Variants in SLC1A2 observed in about 807,000 individuals in gnomAD.
The protein encoded by SLC1A2 is excitatory amino acid transporter 2.
A neutral mutation model predicts 48.8 loss-of-function variants in SLC1A2; 15 were observed. The observed-to-expected ratio is 0.31, with a 90% confidence interval of 0.21 to 0.47. The LOEUF (loss-of-function observed/expected upper bound fraction) is 0.47. Ranked by LOEUF, SLC1A2 falls within the 20% of genes least tolerant of loss-of-function variation. The probability of loss-of-function intolerance (pLI) is 0.99; values close to 1 mark genes in which losing one functional copy is unlikely to be tolerated. For missense variants in SLC1A2, 502 were observed against 730.5 expected (o/e 0.69, Z 3.61); for synonymous variants, 279 against 272.6 (o/e 1.02, Z -0.23).
At chr11:35,284,114 T>TATATA (rs1554993927) in intron 8 of SLC1A2, among the ~76,000 whole-genome samples, 4 of 139,658 alleles carry the variant, frequency 2.9e-5, no homozygotes, top group Admixed American at 7.3e-5. Flanking sequence ...TATATATAAA[T>TATATA]TATTATTTTG....
intron 1 of SLC1A2, chr11:35,322,710 G>T: frequency 8.3e-7 from 1 of 1,203,030 alleles, no homozygotes; most frequent in Non-Finnish European, 1.2e-6. Flanking sequence ...AGTGCTCACT[G>T]CAGGTCCTCT....
chr11:35,348,422 C>T lies in SLC1A2; in HGVS notation c.18-30906G>A, dbSNP rs145788681. On this transcript the variant is annotated intron_variant, in intron 1 of 10. Transcript: ENST00000278379. ...GTTTCTCAACCCTCAATAGGGTGCT[C>T]GCATGTAGCAGATACTCAATAAATG... Among the ~76,000 whole-genome samples, 84 of 119,862 alleles carry T rather than the reference C, an allele frequency of 7.0e-4. 1 individual carries two copies. Among genetic ancestry groups the T allele is most frequent in the African/African-American group, 2.1e-3 (75 of 35,526 alleles). The allele number at this position is 119,862 out of a possible 152,430, so 78.6% of individuals were successfully genotyped here.
At chr11:35,271,594 G>A (rs1008922500) in intron 9 of SLC1A2, among the ~76,000 whole-genome samples, 8 of 152,118 alleles carry the variant, frequency 5.3e-5, no homozygotes, top group Non-Finnish European at 1.0e-4. Flanking sequence ...AGGGTAAGAC[G>A]TTTCTCTGGG....
chr11:35,294,624 A>G (rs1851113930), intron 6 of SLC1A2, among the ~76,000 whole-genome samples: 1 of 152,200 alleles, frequency 6.6e-6, no homozygotes, highest in Non-Finnish European at 1.5e-5. Context: ...GTCCAGAAAA[A>G]TACAAATATA....
intron 1 of SLC1A2, among the ~76,000 whole-genome samples, chr11:35,389,404 T>C (rs1005045527): frequency 6.6e-6 from 1 of 151,970 alleles, no homozygotes. Context: ...TTTGGTCTTT[T>C]TTTTGTTTTG....
chr11:35,340,609 T>TA, intron 1 of SLC1A2, among the ~76,000 whole-genome samples: 1 of 152,326 alleles, frequency 6.6e-6, no homozygotes, highest in East Asian at 1.9e-4. Flanking sequence ...TCCTTGTCCA[T>TA]ACAAAGGAAA....
intron 9 of SLC1A2, among the ~76,000 whole-genome samples, chr11:35,271,230 G>T (rs936604052): frequency 7.2e-5 from 11 of 152,306 alleles, no homozygotes; most frequent in Admixed American, 5.9e-4. Flanking sequence ...ACACGTTGAG[G>T]GTGAAGCATG....
chr11:35,304,578 C>T (rs1851448121), intron 5 of SLC1A2, among the ~76,000 whole-genome samples: 1 of 152,044 alleles, frequency 6.6e-6, no homozygotes, highest in Admixed American at 6.6e-5. Context: ...CTTCCATTGC[C>T]CAGCAACCTA....
intron 1 of SLC1A2, among the ~76,000 whole-genome samples, chr11:35,331,931 G>A (rs1366461885): frequency 6.6e-6 from 1 of 152,140 alleles, no homozygotes; most frequent in African/African-American, 2.4e-5. Flanking sequence ...TCCATGTTAG[G>A]TGTTTAATAA....
At chr11:35,295,806 A>T (rs3794091) in intron 6 of SLC1A2, among the ~76,000 whole-genome samples, 1 of 151,930 alleles carries the variant, frequency 6.6e-6, no homozygotes, top group Non-Finnish European at 1.5e-5. Flanking sequence ...GATGCCCCTC[A>T]CAGGGCTCCA....
rs369273318 is a variant in SLC1A2, at chr11:35,365,319, T to C, written c.18-47803A>G. On this transcript the variant is annotated intron_variant, in intron 1 of 10. Transcript: ENST00000278379. The stretch of plus-strand genomic sequence containing the variant: ...GACATTGCTCCTTACACATGATCAA[T>C]GATATGGTAAAGCTGGTGTAACTAC... Among the ~76,000 whole-genome samples, 57 of 152,294 alleles carry C rather than the reference T, an allele frequency of 3.7e-4. No homozygotes were observed. The South Asian group carries it at 0.012, about 31-fold the overall frequency.
rs1472566015 is a variant in SLC1A2 at position 35,257,045 on chromosome 11, C to G, written c.*3849G>C. ...ACTTTTGCTATTGAGAGCAAAGGGA[C>G]GTGTAGTATTTGCAAAAACATGGCA... On this transcript the variant is annotated 3_prime_UTR_variant, in exon 11 of 11. Coordinates refer to ENST00000278379, the MANE Select transcript of SLC1A2 (RefSeq NM_004171.4). 6.6e-6 allele frequency: 1 copy of G among 152,186 alleles called. No homozygotes were observed. The highest frequency in any genetic ancestry group is 6.5e-5 in the Admixed American group (1 of 15,272). The allele number at this position is 152,186 out of a possible 1,614,324, so 9.4% of individuals were successfully genotyped here.
At chr11:35,340,604 G>A (rs1003874052) in intron 1 of SLC1A2, among the ~76,000 whole-genome samples, 2 of 152,158 alleles carry the variant, frequency 1.3e-5, no homozygotes, top group Admixed American at 6.5e-5. Context: ...CAGTTTCCTT[G>A]TCCATACAAA....
At chr11:35,301,669 A>T (rs1240737280) in intron 5 of SLC1A2, 24 bp from the exon 6 acceptor site, 2 of 1,609,344 alleles carry the variant, frequency 1.2e-6, no homozygotes, top group East Asian at 4.5e-5. Flanking sequence ...CACATTACAT[A>T]GAAGGACAAA....
At chr11:35,354,000 T>C (rs116373556) in intron 1 of SLC1A2, among the ~76,000 whole-genome samples, 4,092 of 152,234 alleles carry the variant, frequency 0.027, 174 homozygotes, top group African/African-American at 0.092. Context: ...AATCCTATAA[T>C]CCTGGCAACT....
At chr11:35,315,234 C>T in intron 2 of SLC1A2, 59 bp from the exon 3 acceptor site, 1 of 1,288,320 alleles carries the variant, frequency 7.8e-7, no homozygotes, top group Middle Eastern at 2.5e-4. Context: ...ATGACTTACT[C>T]TAGACACTTA....
At position 35,254,574 on chromosome 11, in the gene SLC1A2, G is replaced by A; in HGVS notation, c.*6320C>T. On this transcript the variant is annotated 3_prime_UTR_variant, in exon 11 of 11. Transcript: ENST00000278379. Reference sequence around the variant, plus strand: ...TCCAGGCAGGCAAAATGGTTGCCATGAGAAGAAACAGTGCCCCAGAAGGAG... The same window carrying A: ...TCCAGGCAGGCAAAATGGTTGCCATAAGAAGAAACAGTGCCCCAGAAGGAG... 1 of 300,550 alleles carries A rather than the reference G, an allele frequency of 3.3e-6. No homozygotes were observed. The highest frequency in any genetic ancestry group is 6.5e-6 in the Non-Finnish European group (1 of 154,018). 18.6% of individuals were successfully genotyped at this position (300,550 alleles called of 1,614,324 possible).
intron 1 of SLC1A2, among the ~76,000 whole-genome samples, chr11:35,341,454 T>C (rs1203945165): frequency 6.6e-6 from 1 of 152,236 alleles, no homozygotes; most frequent in Non-Finnish European, 1.5e-5. Flanking sequence ...ATAAGGTGTG[T>C]GATGTTCCGC....
At chr11:35,404,934 C>T (rs1267851853) in intron 1 of SLC1A2, among the ~76,000 whole-genome samples, 1 of 152,188 alleles carries the variant, frequency 6.6e-6, no homozygotes, top group Non-Finnish European at 1.5e-5. Flanking sequence ...TTTGAGTGCC[C>T]TGGCTCTGAA....
Sources: gnomAD v4.1 joint callset for allele counts (sites outside exome capture counted in the v4.1 genomes callset) on GRCh38, gnomAD v4.1.1 for gene constraint, MANE v1.5 for transcripts, NCBI Gene and HGNC (gene_info 2026-07-23, HGNC 2026-07-21) for gene names.